The following CADM2 variants were observed in gnomAD, a reference collection of about 807,000 sequenced individuals.
The protein encoded by CADM2 is immunoglobulin superfamily member 4D.
In CADM2, 12 loss-of-function variants were observed where a neutral mutation model predicts 49.8. The observed-to-expected ratio is 0.24, with a 90% confidence interval of 0.15 to 0.39. The LOEUF (loss-of-function observed/expected upper bound fraction) is 0.39. Ranked by LOEUF, CADM2 falls within the 10% of genes least tolerant of loss-of-function variation. The probability of loss-of-function intolerance (pLI) is 1.00; values close to 1 mark genes in which losing one functional copy is unlikely to be tolerated. For missense variants in CADM2, 378 were observed against 492.3 expected (o/e 0.77, Z 2.20); for synonymous variants, 214 against 175.4 (o/e 1.22, Z -1.74).
At chr3:85,236,844 G>T (rs993580489) in intron 1 of CADM2, among the ~76,000 whole-genome samples, 3 of 152,010 alleles carry the variant, frequency 2.0e-5, no homozygotes, top group African/African-American at 7.2e-5. Flanking sequence ...AGCAGGAAGG[G>T]CTGTAGTAAC....
At chr3:85,991,842 C>T (rs1047025989) in intron 8 of CADM2, among the ~76,000 whole-genome samples, 4 of 151,940 alleles carry the variant, frequency 2.6e-5, no homozygotes, top group Admixed American at 2.6e-4. Flanking sequence ...CATTTGCTAT[C>T]ATTGATTTAT....
chr3:85,339,632 T>A (rs779595692), intron 1 of CADM2, among the ~76,000 whole-genome samples: 15 of 151,448 alleles, frequency 9.9e-5, no homozygotes, highest in Admixed American at 5.9e-4. Flanking sequence ...GTTAATTTTG[T>A]GGGAATGACT....
chr3:85,456,558 T>G (rs1431663146), intron 1 of CADM2, among the ~76,000 whole-genome samples: 1 of 152,208 alleles, frequency 6.6e-6, no homozygotes, highest in African/African-American at 2.4e-5. Flanking sequence ...TCTCAAATTT[T>G]TATATAGCAT....
At chr3:85,049,304 A>G (rs1336639457) in intron 1 of CADM2, among the ~76,000 whole-genome samples, 1 of 151,378 alleles carries the variant, frequency 6.6e-6, no homozygotes, top group Non-Finnish European at 1.5e-5. Flanking sequence ...GAGATAATTA[A>G]ACCTACATTT....
intron 1 of CADM2, among the ~76,000 whole-genome samples, chr3:85,227,324 T>C (rs777150830): frequency 2.9e-4 from 44 of 152,130 alleles, no homozygotes; most frequent in Non-Finnish European, 4.9e-4. Flanking sequence ...AGGGTGCATA[T>C]ATATTTGAGA....
At chr3:85,072,628 T>C (rs1286092562) in intron 1 of CADM2, among the ~76,000 whole-genome samples, 1 of 152,112 alleles carries the variant, frequency 6.6e-6, no homozygotes, top group Non-Finnish European at 1.5e-5. Context: ...TTAACACTAA[T>C]AGTGGCTTTG....
intron 1 of CADM2, among the ~76,000 whole-genome samples, chr3:85,164,871 T>C (rs1459826829): frequency 6.6e-6 from 1 of 151,958 alleles, no homozygotes; most frequent in Non-Finnish European, 1.5e-5. Flanking sequence ...AGCATGTGAG[T>C]TTTTTTAACA....
At chr3:85,027,222 C>G (rs1265065514) in intron 1 of CADM2, among the ~76,000 whole-genome samples, 3 of 141,654 alleles carry the variant, frequency 2.1e-5, no homozygotes. Flanking sequence ...TTAAGCGATT[C>G]TCCTGCCTCA....
chr3:85,593,441 A>G (rs2063161921), intron 1 of CADM2, among the ~76,000 whole-genome samples: 1 of 152,020 alleles, frequency 6.6e-6, no homozygotes, highest in South Asian at 2.1e-4. Context: ...TCAGATTATT[A>G]TTAGTACAGC....
chr3:85,270,021 C>A (rs2043204246), intron 1 of CADM2, among the ~76,000 whole-genome samples: 1 of 151,244 alleles, frequency 6.6e-6, no homozygotes, highest in Non-Finnish European at 1.5e-5. Flanking sequence ...GCATCATCTT[C>A]ATCTATAAAT....
chr3:86,048,308 A>G (rs1736913728), intron 8 of CADM2, among the ~76,000 whole-genome samples: 1 of 151,942 alleles, frequency 6.6e-6, no homozygotes, highest in Non-Finnish European at 1.5e-5. Context: ...AAAATATAGC[A>G]TTTTCTGATA....
intron 1 of CADM2, among the ~76,000 whole-genome samples, chr3:85,662,817 T>C (rs1029980406): frequency 6.6e-6 from 1 of 152,088 alleles, no homozygotes; most frequent in East Asian, 1.9e-4. Context: ...GTGATTGTTT[T>C]ATTACTTGTT....
chr3:85,576,335 AT>A (rs1376788922), intron 1 of CADM2, among the ~76,000 whole-genome samples: 25 of 152,296 alleles, frequency 1.6e-4, no homozygotes, highest in Admixed American at 8.5e-4. Flanking sequence ...AAGCATTCAA[AT>A]TCAAATCACA....
intron 1 of CADM2, among the ~76,000 whole-genome samples, chr3:85,456,342 G>A (rs776943584): frequency 6.6e-6 from 1 of 152,076 alleles, no homozygotes; most frequent in African/African-American, 2.4e-5. Flanking sequence ...TACAAAGTTA[G>A]ATTTCCAGAC....
At chr3:85,575,068 A>G (rs1386092155) in intron 1 of CADM2, among the ~76,000 whole-genome samples, 3 of 152,122 alleles carry the variant, frequency 2.0e-5, no homozygotes, top group Admixed American at 1.3e-4. Flanking sequence ...CTCCTTCCCC[A>G]TCAGTGCAAG....
intron 1 of CADM2, among the ~76,000 whole-genome samples, chr3:85,458,021 A>G (rs146197392): frequency 1.9e-3 from 283 of 152,124 alleles, no homozygotes; most frequent in African/African-American, 6.3e-3. Flanking sequence ...ACTCTTACAC[A>G]TTTTTCTTTC....
intron 2 of CADM2, among the ~76,000 whole-genome samples, chr3:85,741,931 C>A (rs542953354): frequency 6.6e-6 from 1 of 152,258 alleles, no homozygotes; most frequent in East Asian, 1.9e-4. Context: ...TCCTAAACCC[C>A]AAACACTCTT....
chr3:85,717,939 T>C (rs1267257020), intron 1 of CADM2, among the ~76,000 whole-genome samples: 1 of 152,086 alleles, frequency 6.6e-6, no homozygotes, highest in Admixed American at 6.6e-5. Flanking sequence ...GGCTAAATTT[T>C]TTGTATTTTT....
intron 2 of CADM2, among the ~76,000 whole-genome samples, chr3:85,735,450 A>C (rs2068096120): frequency 6.6e-6 from 1 of 152,120 alleles, no homozygotes; most frequent in African/African-American, 2.4e-5. Context: ...CATAGAGGGA[A>C]TGGAGACACA....
Sources: allele counts gnomAD v4.1 joint callset (sites outside exome capture counted in the v4.1 genomes callset), GRCh38; gene constraint gnomAD v4.1.1; transcripts MANE v1.5; gene names NCBI Gene and HGNC (gene_info 2026-07-23, HGNC 2026-07-21).